The following GRM7 variants were observed in gnomAD, a reference collection of about 807,000 sequenced individuals.
GRM7 encodes glutamate metabotropic receptor 7.
GRM7 carries 35 observed loss-of-function variants against 84.5 expected under a neutral mutation model. The ratio of observed to expected loss-of-function variants is 0.41; its 90% CI spans 0.32 to 0.55. GRM7 has a LOEUF of 0.55. Ranked by LOEUF, GRM7 falls within the 20% of genes least tolerant of loss-of-function variation. The pLI, the probability that GRM7 is intolerant of heterozygous loss-of-function variation, is 0.19. For synonymous variants in GRM7, 487 were observed against 455.1 expected (o/e 1.07, Z -0.89); for missense variants, 1,003 against 1,194.6 (o/e 0.84, Z 2.36).
chr3:7,308,743 G>A (rs1321037944), intron 4 of GRM7, among the ~76,000 whole-genome samples: 4 of 152,130 alleles, frequency 2.6e-5, no homozygotes, highest in Non-Finnish European at 2.9e-5. Context: ...GGAAAACGAA[G>A]AACTTTCAGG....
In GRM7 at chr3:7,682,743, G is replaced by A. The variant is rs928530582; in HGVS notation, c.2698+2448G>A. Among the ~76,000 whole-genome samples the A allele has an allele frequency of 5.3e-5, 8 of 152,246 alleles. No homozygotes were observed. In the South Asian group the frequency reaches 1.7e-3, roughly 32 times the overall value. ...ACTACTGTTGCTATTTAATGATGAG[G>A]TGCAATCCTTGTTGAGGCTTTTTTG... On this transcript the variant is annotated intron_variant, in intron 9 of 9. Coordinates refer to ENST00000357716, the MANE Select transcript of GRM7 (RefSeq NM_000844.4).
chr3:7,099,418 G>A (rs56952162), intron 1 of GRM7, among the ~76,000 whole-genome samples: 55,540 of 140,310 alleles, frequency 0.4, 14,489 homozygotes, highest in African/African-American at 0.77. Context: ...TACATATTAT[G>A]CATGTATATA....
intron 8 of GRM7, among the ~76,000 whole-genome samples, chr3:7,666,200 T>C (rs1385777436): frequency 1.3e-5 from 2 of 152,096 alleles, no homozygotes; most frequent in African/African-American, 4.8e-5. Context: ...TCAGAGAAAA[T>C]GCAAGAAGGT....
chr3:6,932,816 G>A (rs1395493174), intron 1 of GRM7, among the ~76,000 whole-genome samples: 4 of 142,860 alleles, frequency 2.8e-5, no homozygotes, highest in African/African-American at 5.3e-5. Context: ...GTGCAATGGC[G>A]CGATCTCGGC....
At chr3:7,680,825 T>A (rs564999782) in intron 9 of GRM7, 6 of 158,212 alleles carry the variant, frequency 3.8e-5, no homozygotes, top group East Asian at 1.9e-4. Flanking sequence ...GACACTACCA[T>A]GATAACGGCA....
chr3:7,466,979 T>C (rs1018636529), intron 7 of GRM7, among the ~76,000 whole-genome samples: 8 of 151,962 alleles, frequency 5.3e-5, no homozygotes, highest in African/African-American at 1.7e-4. Flanking sequence ...GCATTTGTTA[T>C]TTTTTTGTTA....
chr3:7,418,653 G>C (rs139758545), intron 5 of GRM7, among the ~76,000 whole-genome samples: 1 of 152,108 alleles, frequency 6.6e-6, no homozygotes, highest in Non-Finnish European at 1.5e-5. Context: ...GACCAGTTTA[G>C]AGTATGACCT....
intron 9 of GRM7, among the ~76,000 whole-genome samples, chr3:7,732,533 A>G (rs541849934): frequency 2.8e-4 from 42 of 152,322 alleles, no homozygotes; most frequent in Admixed American, 1.8e-3. Flanking sequence ...GAAACCAGTT[A>G]AGGAAAAAAG....
intron 4 of GRM7, among the ~76,000 whole-genome samples, chr3:7,382,660 A>G (rs544977344): frequency 2.0e-5 from 3 of 152,346 alleles, no homozygotes; most frequent in South Asian, 2.1e-4. Context: ...ATACATAGGA[A>G]GAGTAAGGAT....
chr3:7,435,302 T>C (rs1241877908), intron 5 of GRM7, among the ~76,000 whole-genome samples: 2 of 151,966 alleles, frequency 1.3e-5, no homozygotes, highest in African/African-American at 4.8e-5. Flanking sequence ...TAGCTAGGAC[T>C]ACAGGTGTGT....
chr3:7,144,020 A>G, intron 1 of GRM7, among the ~76,000 whole-genome samples: 1 of 152,138 alleles, frequency 6.6e-6, no homozygotes, highest in African/African-American at 2.4e-5. Flanking sequence ...AGATATTTGT[A>G]TGGGCTTTAC....
intron 4 of GRM7, among the ~76,000 whole-genome samples, chr3:7,414,816 T>C (rs1696092567): frequency 6.6e-6 from 1 of 152,074 alleles, no homozygotes; most frequent in South Asian, 2.1e-4. Flanking sequence ...AGTAACTACC[T>C]ACCTGTCAGA....
At chr3:7,715,197 C>T (rs1011719083) in intron 9 of GRM7, among the ~76,000 whole-genome samples, 3 of 152,160 alleles carry the variant, frequency 2.0e-5, no homozygotes, top group Admixed American at 1.3e-4. Context: ...CAGTGGCTCA[C>T]ACCTGCAATC....
intron 1 of GRM7, among the ~76,000 whole-genome samples, chr3:7,055,058 C>T (rs1169172559): frequency 6.6e-6 from 1 of 151,888 alleles, no homozygotes; most frequent in Non-Finnish European, 1.5e-5. Context: ...TTGTATCAAT[C>T]TTTTTTTGTG....
intron 7 of GRM7, among the ~76,000 whole-genome samples, chr3:7,562,575 A>T (rs1315220395): frequency 6.6e-6 from 1 of 152,122 alleles, no homozygotes; most frequent in Non-Finnish European, 1.5e-5. Context: ...GCCCAAGAAC[A>T]AAGAAAGCCT....
Position 7,238,422 on chromosome 3 carries a change from C to G in GRM7, c.737-60262C>G, listed in dbSNP as rs146326701. Among the ~76,000 whole-genome samples the G allele has an allele frequency of 2.6e-5, 4 of 151,330 alleles. No homozygotes were observed. In the East Asian group the frequency reaches 7.7e-4, roughly 29 times the overall value. On this transcript the variant is annotated intron_variant, in intron 2 of 9. Transcript: ENST00000357716. ...AAGGCTTCTCTGTTCGAAATTGAGCCTAGAAAGCTATTTTTTCACCACTCC... is the reference window on the plus strand; with the variant it reads ...AAGGCTTCTCTGTTCGAAATTGAGCGTAGAAAGCTATTTTTTCACCACTCC...
chr3:7,139,105 A>G (rs965911751), intron 1 of GRM7, among the ~76,000 whole-genome samples: 1 of 147,672 alleles, frequency 6.8e-6, no homozygotes, highest in African/African-American at 2.4e-5. Flanking sequence ...ACTCTATAAT[A>G]TAATATACTA....
At chr3:7,523,999 T>C (rs1362862287) in intron 7 of GRM7, among the ~76,000 whole-genome samples, 2 of 152,118 alleles carry the variant, frequency 1.3e-5, no homozygotes, top group African/African-American at 2.4e-5. Flanking sequence ...CTCTTCTATC[T>C]TGCTCCTAGA....
intron 9 of GRM7, among the ~76,000 whole-genome samples, chr3:7,733,838 C>A (rs1162164179): frequency 6.6e-6 from 1 of 152,078 alleles, no homozygotes; most frequent in African/African-American, 2.4e-5. Context: ...CAAAGTATAC[C>A]TTTATATTGC....
Sources: allele counts gnomAD v4.1 joint callset (sites outside exome capture counted in the v4.1 genomes callset), GRCh38; gene constraint gnomAD v4.1.1; transcripts MANE v1.5; gene names NCBI Gene and HGNC (gene_info 2026-07-23, HGNC 2026-07-21).